DIS3L2: variants seen among roughly 807,000 people sequenced by gnomAD.
The protein encoded by DIS3L2 is DIS3-like exonuclease 2.
A neutral mutation model predicts 97.5 loss-of-function variants in DIS3L2; 34 were observed. The observed-to-expected ratio is 0.35, with a 90% confidence interval of 0.27 to 0.46. The LOEUF (loss-of-function observed/expected upper bound fraction) is 0.46. Among genes scored for constraint, DIS3L2 ranks in the 20% least tolerant of loss-of-function variants. DIS3L2 has a pLI of 1.00. For synonymous variants in DIS3L2, 435 were observed against 445.2 expected, an observed-to-expected ratio of 0.98 and a Z score of 0.29; for missense variants, 1,038 against 1,146.0, an observed-to-expected ratio of 0.91 and a Z score of 1.36.
chr2:232,156,292 A>G (rs1690491471), intron 8 of DIS3L2, among the ~76,000 whole-genome samples: 1 of 152,136 alleles, frequency 6.6e-6, no homozygotes, highest in South Asian at 2.1e-4. Context: ...TGAGGTCTAA[A>G]AACCTAGTTT....
At chr2:232,145,275 A>G (rs1035666361) in intron 8 of DIS3L2, among the ~76,000 whole-genome samples, 3 of 152,124 alleles carry the variant, frequency 2.0e-5, no homozygotes, top group African/African-American at 4.8e-5. Context: ...TATTAATGGT[A>G]TCTTCTGAAG....
At chr2:232,330,883 G>A in intron 16 of DIS3L2, 107 bp downstream of exon 16, 1 of 1,182,544 alleles carries the variant, frequency 8.5e-7, no homozygotes, top group South Asian at 1.2e-5. Context: ...GCCTGCTCTG[G>A]ACATGGCTGG....
At chr2:232,272,039 T>C (rs1694019494) in intron 13 of DIS3L2, among the ~76,000 whole-genome samples, 2 of 152,240 alleles carry the variant, frequency 1.3e-5, no homozygotes, top group Non-Finnish European at 2.9e-5. Context: ...GCATAAAAAC[T>C]AATATGTGTC....
chr2:232,070,587 C>CTTTT (rs112525730), intron 5 of DIS3L2, among the ~76,000 whole-genome samples: 1 of 139,642 alleles, frequency 7.2e-6, no homozygotes, highest in Non-Finnish European at 1.6e-5. Context: ...GGTTATGGTT[C>CTTTT]TTTTTTTTTT....
intron 10 of DIS3L2, among the ~76,000 whole-genome samples, chr2:232,216,385 C>T (rs1692332444): frequency 6.6e-6 from 1 of 152,224 alleles, no homozygotes; most frequent in Non-Finnish European, 1.5e-5. Flanking sequence ...ACTCATCTTT[C>T]ACTGCCCAGC....
At chr2:232,099,144 C>T (rs972699501) in intron 6 of DIS3L2, among the ~76,000 whole-genome samples, 2 of 151,906 alleles carry the variant, frequency 1.3e-5, no homozygotes, top group African/African-American at 4.8e-5. Context: ...ATAAATTCTA[C>T]TTAATCCTGA....
intron 12 of DIS3L2, among the ~76,000 whole-genome samples, chr2:232,261,516 T>C (rs1290387372): frequency 6.6e-6 from 1 of 152,128 alleles, no homozygotes; most frequent in East Asian, 1.9e-4. Context: ...ATGTTGCTGT[T>C]TGAGTAGCAC....
intron 1 of DIS3L2, among the ~76,000 whole-genome samples, chr2:232,010,567 A>T (rs957740855): frequency 1.2e-4 from 18 of 149,100 alleles, no homozygotes; most frequent in African/African-American, 3.5e-4. Context: ...TGTTTTTCCC[A>T]TCTTTTGCTT....
At chr2:232,301,465 A>C (rs1338078221) in intron 14 of DIS3L2, among the ~76,000 whole-genome samples, 3 of 152,234 alleles carry the variant, frequency 2.0e-5, no homozygotes, top group African/African-American at 7.2e-5. Context: ...ATGACCTTCC[A>C]GAAGAGAAAC....
intron 5 of DIS3L2, among the ~76,000 whole-genome samples, chr2:232,033,294 A>G (rs1333313515): frequency 6.6e-6 from 1 of 152,146 alleles, no homozygotes. Context: ...GTGTATAGGA[A>G]CGCTTGTGAT....
Position 232,281,331 on chromosome 2 carries a change from G to A in DIS3L2, c.1659+17891G>A, listed in dbSNP as rs775025755. On this transcript the variant is annotated intron_variant, in intron 13 of 20. Transcript: ENST00000325385. This position sits in a 1 kb window ranked among gnomAD's most constrained non-coding sequence, Gnocchi z 4.1. ...GGAGAAGGGCGTGAACCCGGGAGGC[G>A]GAGCTTGCAGTGAGCCGAGATGGCG... 2.0e-5 allele frequency among the ~76,000 whole-genome samples: 3 copies of A among 152,172 alleles called. No individual in the cohort carries two copies. Among genetic ancestry groups the A allele is most frequent in the African/African-American group, 4.8e-5 (2 of 41,428 alleles).
chr2:232,210,028 A>C (rs1339934121), intron 9 of DIS3L2, among the ~76,000 whole-genome samples: 2 of 151,894 alleles, frequency 1.3e-5, no homozygotes, highest in East Asian at 1.9e-4. Flanking sequence ...TTGTTGGCCA[A>C]CTCTTCTTGA....
chr2:232,096,753 G>C (rs1697027598), intron 6 of DIS3L2, among the ~76,000 whole-genome samples: 1 of 151,666 alleles, frequency 6.6e-6, no homozygotes, highest in African/African-American at 2.4e-5. Flanking sequence ...TTCAGCTCCA[G>C]ATTTTCTGTT....
Position 232,276,936 on chromosome 2 carries a change from C to A in DIS3L2, c.1659+13496C>A, listed in dbSNP as rs1008868338. Reference sequence around the variant, plus strand: ...CCAGATGGTGAGAAAGGGCCCACTTCTGTCTTCACAGAAGAGCTACTTTAA... The same window carrying A: ...CCAGATGGTGAGAAAGGGCCCACTTATGTCTTCACAGAAGAGCTACTTTAA... On this transcript the variant is annotated intron_variant, in intron 13 of 20. Coordinates refer to ENST00000325385, the MANE Select transcript of DIS3L2 (RefSeq NM_152383.5). The surrounding 1 kb of genome is among the most constrained non-coding windows in gnomAD (Gnocchi z 4.4). Among the ~76,000 whole-genome samples, 1 of 152,244 alleles carries A rather than the reference C, an allele frequency of 6.6e-6. No homozygotes were observed. The highest frequency in any genetic ancestry group is 1.5e-5 in the Non-Finnish European group (1 of 68,048).
intron 6 of DIS3L2, among the ~76,000 whole-genome samples, chr2:232,112,102 A>G (rs1430712656): frequency 6.6e-6 from 1 of 152,196 alleles, no homozygotes; most frequent in Non-Finnish European, 1.5e-5. Flanking sequence ...GTTTTATATA[A>G]GGCTTTTGAG....
chr2:232,087,793 C>A, intron 6 of DIS3L2, 72 bp downstream of exon 6: 1 of 1,218,868 alleles, frequency 8.2e-7, no homozygotes, highest in Non-Finnish European at 1.2e-6. Context: ...CTCTCTGCTG[C>A]AGAGTAAATA....
At chr2:232,311,344 C>G (rs1390546806) in intron 14 of DIS3L2, among the ~76,000 whole-genome samples, 1 of 152,184 alleles carries the variant, frequency 6.6e-6, no homozygotes, top group African/African-American at 2.4e-5. Context: ...AAACTTACTT[C>G]TGAATTATGA....
At position 232,287,630 on chromosome 2, in the gene DIS3L2, C is replaced by T. The variant is rs372161017; in HGVS notation, c.1660-12410C>T. Among the ~76,000 whole-genome samples, 184 of 152,162 alleles carry T rather than the reference C, an allele frequency of 1.2e-3. 4 individuals are homozygous for T. In the South Asian group the frequency reaches 0.036, roughly 30 times the overall value. Reference sequence around the variant, plus strand: ...CTGCTCTCAAACTCATAGCCTCCAGCAGTCCTTCCATCTCAGCTCCCAAAG... The same window carrying T: ...CTGCTCTCAAACTCATAGCCTCCAGTAGTCCTTCCATCTCAGCTCCCAAAG... On this transcript the variant is annotated intron_variant, in intron 13 of 20. Transcript: ENST00000325385.
At chr2:232,242,730 C>G (rs754149533) in intron 11 of DIS3L2, among the ~76,000 whole-genome samples, 1 of 152,216 alleles carries the variant, frequency 6.6e-6, no homozygotes, top group Admixed American at 6.5e-5. Flanking sequence ...CTCTCAAGAC[C>G]TGGTCCAGAA....
Sources: allele counts gnomAD v4.1 joint callset (sites outside exome capture counted in the v4.1 genomes callset), GRCh38; gene constraint gnomAD v4.1.1; non-coding constraint Gnocchi (gnomAD v3.1); transcripts MANE v1.5; gene names NCBI Gene and HGNC (gene_info 2026-07-23, HGNC 2026-07-21).